Variants in POMK observed in about 807,000 individuals in gnomAD.
The protein encoded by POMK is protein O-mannose kinase.
Under a neutral mutation model 23.0 loss-of-function variants are expected in POMK, and 19 were observed. That is an observed-to-expected ratio of 0.83 (90% CI 0.58 to 1.21). POMK has a LOEUF of 1.21. Ranked by LOEUF, POMK falls within the 50% of genes most tolerant of loss-of-function variation. The pLI, the probability that POMK is intolerant of heterozygous loss-of-function variation, is 0.00. For missense variants in POMK, 410 were observed against 431.3 expected (o/e 0.95, Z 0.44); for synonymous variants, 173 against 171.6 (o/e 1.01, Z -0.06).
At position 43,112,878 on chromosome 8, in the gene POMK, A is replaced by G. The variant is rs967830695; in HGVS notation, c.282+9048A>G. On this transcript the variant is annotated intron_variant, in intron 4 of 4. Transcript: ENST00000331373. ...CAAGCAAATGCTGAGAGATTTTGTC[A>G]CCACCAGGCCTGCCCTAAAAGAGCT... is the stretch of plus-strand genomic sequence containing the variant. 6.6e-5 allele frequency among the ~76,000 whole-genome samples: 10 copies of G among 152,318 alleles called. No homozygotes were observed. In the East Asian group the frequency reaches 1.5e-3, roughly 23 times the overall value.
At chr8:43,120,055 A>AG (rs1171503947) in intron 4 of POMK, among the ~76,000 whole-genome samples, 1 of 147,266 alleles carries the variant, frequency 6.8e-6, no homozygotes, top group Non-Finnish European at 1.5e-5. Flanking sequence ...AAAGATATGA[A>AG]GGAAAAAAAA....
rs911965940 is a variant in POMK, at chr8:43,111,966, A to G, written c.282+8136A>G. On this transcript the variant is annotated intron_variant, in intron 4 of 4. Transcript: ENST00000331373. Reference sequence around the variant, plus strand: ...AGTAGATAAAACCACAAAGATGGGGAAAAAACAGAGCAGAAAAACTGGAAA... The same window carrying G: ...AGTAGATAAAACCACAAAGATGGGGGAAAAACAGAGCAGAAAAACTGGAAA... Among the ~76,000 whole-genome samples, 177 of 152,350 alleles carry G rather than the reference A, an allele frequency of 1.2e-3. 1 individual carries two copies. Among genetic ancestry groups the G allele is most frequent in the Admixed American group, 0.011 (174 of 15,304 alleles).
chr8:43,096,043 G>A (rs149744775), intron 1 of POMK, among the ~76,000 whole-genome samples: 45 of 152,236 alleles, frequency 3.0e-4, no homozygotes, highest in Middle Eastern at 3.4e-3. Flanking sequence ...GCCATGAAGA[G>A]GGAGAGGTGC....
At chr8:43,110,525 A>G (rs1299304436) in intron 4 of POMK, among the ~76,000 whole-genome samples, 1 of 152,282 alleles carries the variant, frequency 6.6e-6, no homozygotes, top group Non-Finnish European at 1.5e-5. Flanking sequence ...GAGACCATCT[A>G]CAACATGCTT....
At chr8:43,120,890 T>C (rs942135000) in intron 4 of POMK, among the ~76,000 whole-genome samples, 1 of 152,072 alleles carries the variant, frequency 6.6e-6, no homozygotes, top group Non-Finnish European at 1.5e-5. Flanking sequence ...TTGGTCAGGC[T>C]GGTCTTGAAT....
chr8:43,119,630 T>C (rs1232719037), intron 4 of POMK, among the ~76,000 whole-genome samples: 1 of 151,998 alleles, frequency 6.6e-6, no homozygotes, highest in African/African-American at 2.4e-5. Context: ...AGATGGGGTT[T>C]CACCATGTTG....
intron 4 of POMK, among the ~76,000 whole-genome samples, chr8:43,120,638 A>G (rs1249841062): frequency 1.3e-5 from 2 of 151,110 alleles, no homozygotes; most frequent in Non-Finnish European, 2.9e-5. Flanking sequence ...CTGGGGGTAC[A>G]TGTACGCTCC....
At chr8:43,113,593 G>A (rs1811727988) in intron 4 of POMK, among the ~76,000 whole-genome samples, 1 of 152,206 alleles carries the variant, frequency 6.6e-6, no homozygotes, top group Non-Finnish European at 1.5e-5. Flanking sequence ...ATTGTCTGAA[G>A]CCTTCTTCTC....
At chr8:43,108,203 A>G (rs1441425845) in intron 4 of POMK, among the ~76,000 whole-genome samples, 1 of 152,184 alleles carries the variant, frequency 6.6e-6, no homozygotes, top group Non-Finnish European at 1.5e-5. Flanking sequence ...TGGGTCAGGA[A>G]CCCTGTACAG....
chr8:43,096,533 C>CCTGTAATCCCAGCT (rs575378015), intron 1 of POMK, among the ~76,000 whole-genome samples: 5 of 152,212 alleles, frequency 3.3e-5, no homozygotes, highest in Non-Finnish European at 7.4e-5. Flanking sequence ...GTGGCACGTG[C>CCTGTAATCCCAGCT]CTGTAATCCC....
At chr8:43,115,155 AC>A (rs1811770805) in intron 4 of POMK, among the ~76,000 whole-genome samples, 1 of 152,228 alleles carries the variant, frequency 6.6e-6, no homozygotes, top group African/African-American at 2.4e-5. Flanking sequence ...GAAAGATGTT[AC>A]ATGAACAGTC....
At chr8:43,105,834 T>C (rs902515601) in intron 4 of POMK, among the ~76,000 whole-genome samples, 1 of 152,162 alleles carries the variant, frequency 6.6e-6, no homozygotes, top group Non-Finnish European at 1.5e-5. Context: ...CGGCTAATTT[T>C]ATATTTTTAG....
chr8:43,100,080 G>A (rs560955910), intron 2 of POMK, among the ~76,000 whole-genome samples: 2 of 152,294 alleles, frequency 1.3e-5, no homozygotes, highest in South Asian at 4.1e-4. Context: ...GGAGTCCTTC[G>A]GGGCCTCTCT....
chr8:43,095,907 C>A (rs1303264910), intron 1 of POMK, among the ~76,000 whole-genome samples: 1 of 152,122 alleles, frequency 6.6e-6, no homozygotes, highest in Non-Finnish European at 1.5e-5. Flanking sequence ...AGGGTTTGAG[C>A]TGGGAAACTT....
At chr8:43,116,185 G>GTAGGGATT (rs1323949169) in intron 4 of POMK, among the ~76,000 whole-genome samples, 20 of 152,300 alleles carry the variant, frequency 1.3e-4, no homozygotes, top group South Asian at 8.3e-4. Flanking sequence ...TTTCATGGTG[G>GTAGGGATT]TAGGGATTTA....
intron 4 of POMK, among the ~76,000 whole-genome samples, chr8:43,106,322 C>T (rs1409561106): frequency 1.3e-5 from 2 of 151,898 alleles, no homozygotes; most frequent in Non-Finnish European, 2.9e-5. Flanking sequence ...AGATCATTTG[C>T]CCATTTTTTG....
At chr8:43,119,821 G>C (rs1194059021) in intron 4 of POMK, among the ~76,000 whole-genome samples, 2 of 152,044 alleles carry the variant, frequency 1.3e-5, no homozygotes, top group Non-Finnish European at 2.9e-5. Flanking sequence ...TCATTTGAAT[G>C]TTATGAGCCA....
At chr8:43,102,146 C>G (rs1366224223) in intron 2 of POMK, among the ~76,000 whole-genome samples, 1 of 152,204 alleles carries the variant, frequency 6.6e-6, no homozygotes, top group African/African-American at 2.4e-5. Flanking sequence ...TCTGTCTTCC[C>G]CACTAGACTT....
At chr8:43,118,734 CA>C (rs993299476) in intron 4 of POMK, among the ~76,000 whole-genome samples, 2 of 152,110 alleles carry the variant, frequency 1.3e-5, no homozygotes, top group South Asian at 2.1e-4. Flanking sequence ...TTATCTGAAA[CA>C]AAAATGAATG....
Sources: allele counts gnomAD v4.1 joint callset (sites outside exome capture counted in the v4.1 genomes callset), GRCh38; gene constraint gnomAD v4.1.1; transcripts MANE v1.5; gene names NCBI Gene and HGNC (gene_info 2026-07-23, HGNC 2026-07-21).